Variants in SRL observed in about 807,000 individuals in gnomAD.
SRL encodes sarcalumenin.
SRL carries 23 observed loss-of-function variants against 39.5 expected under a neutral mutation model. The observed-to-expected ratio is 0.58, with a 90% CI of 0.42 to 0.82. SRL has a LOEUF of 0.82. Among genes scored for constraint, SRL ranks in the 40% least tolerant of loss-of-function variants. SRL has a pLI of 0.00. For missense variants in SRL, 592 were observed against 607.8 expected, an observed-to-expected ratio of 0.97 and a Z score of 0.27; for synonymous variants, 272 against 237.4, an observed-to-expected ratio of 1.15 and a Z score of -1.34.
At chr16:4,230,842 T>A (rs1183562291) in intron 1 of SRL, among the ~76,000 whole-genome samples, 1 of 152,058 alleles carries the variant, frequency 6.6e-6, no homozygotes, top group African/African-American at 2.4e-5. Context: ...GAAGGCCACA[T>A]GATGACAGAG....
At position 4,201,634 on chromosome 16, in the gene SRL, G is replaced by C. The variant is rs2052232448; in HGVS notation, c.259+1532C>G. ...CACGCTGGGCCCAATTTTTGTGTGT[G>C]TGTTTTGTTTGTTTGTTTGTTTGTT... On this transcript the variant is annotated intron_variant, in intron 3 of 5. Coordinates refer to ENST00000399609, the MANE Select transcript of SRL (RefSeq NM_001098814.2). Among the ~76,000 whole-genome samples the C allele has an allele frequency of 3.3e-5, 2 of 61,164 alleles. 1 individual carries two copies. The highest frequency in any genetic ancestry group is 1.6e-4 in the African/African-American group (2 of 12,140). 40.1% of individuals were successfully genotyped at this position (61,164 alleles called of 152,430 possible). A position where few individuals can be genotyped will look rare whatever the true frequency, so the allele number is the denominator to read the frequency against.
chr16:4,209,692 G>C (rs573492250), intron 1 of SRL, among the ~76,000 whole-genome samples: 2 of 152,348 alleles, frequency 1.3e-5, no homozygotes, highest in Non-Finnish European at 2.9e-5. Flanking sequence ...AAGATGTGAA[G>C]CTTGGTGCCT....
At chr16:4,226,323 AGGAT>A (rs1472397682) in intron 1 of SRL, among the ~76,000 whole-genome samples, 2 of 152,048 alleles carry the variant, frequency 1.3e-5, no homozygotes, top group African/African-American at 2.4e-5. Context: ...AATGAATGGA[AGGAT>A]GGATGGATGA....
At chr16:4,237,657 G>A (rs923244134) in intron 1 of SRL, among the ~76,000 whole-genome samples, 4 of 151,160 alleles carry the variant, frequency 2.6e-5, no homozygotes, top group East Asian at 2.0e-4. Context: ...CCATCTGCCC[G>A]CCTTCATGCA....
intron 4 of SRL, among the ~76,000 whole-genome samples, chr16:4,197,094 A>T (rs9929314): frequency 0.053 from 6,102 of 114,650 alleles, 579 homozygotes; most frequent in African/African-American, 0.2. Flanking sequence ...TGTGAGACAG[A>T]GTCTCACTCT....
At chr16:4,230,553 T>C (rs2052648833) in intron 1 of SRL, among the ~76,000 whole-genome samples, 1 of 151,648 alleles carries the variant, frequency 6.6e-6, no homozygotes, top group African/African-American at 2.4e-5. Context: ...GCTAATTTTT[T>C]TTTTTTTGTA....
At chr16:4,207,324 C>T (rs754533108) in intron 1 of SRL, 7 of 456,824 alleles carry the variant, frequency 1.5e-5, no homozygotes, top group Non-Finnish European at 2.2e-5. Context: ...TTGGGCGCCC[C>T]CAGGCTCTGC....
At chr16:4,231,816 G>C (rs2052662479) in intron 1 of SRL, among the ~76,000 whole-genome samples, 1 of 152,152 alleles carries the variant, frequency 6.6e-6, no homozygotes, top group Admixed American at 6.5e-5. Flanking sequence ...ACTCACAAGA[G>C]TGATAACCTG....
chr16:4,218,078 G>A (rs747948733), intron 1 of SRL, among the ~76,000 whole-genome samples: 25 of 152,136 alleles, frequency 1.6e-4, no homozygotes, highest in Admixed American at 5.2e-4. Context: ...CCAGGAGCTC[G>A]TTCTGCTGAT....
intron 1 of SRL, among the ~76,000 whole-genome samples, chr16:4,241,408 C>G (rs754683421): frequency 1.2e-4 from 19 of 152,208 alleles, no homozygotes; most frequent in Non-Finnish European, 2.6e-4. Context: ...AGCAGAGGCT[C>G]TACTCCAGAA....
chr16:4,231,260 G>A lies in SRL; in HGVS notation c.61+10747C>T, dbSNP rs181900668. Among the ~76,000 whole-genome samples, 284 of 152,294 alleles carry A rather than the reference G, an allele frequency of 1.9e-3. 2 individuals are homozygous for A. In the Middle Eastern group the frequency reaches 0.031, roughly 16 times the overall value. ...GAGCCCGGGAGGCAGAGATTGCAGT[G>A]AGCAGAGATTGCACCACTGCACTCC... On this transcript the variant is annotated intron_variant, in intron 1 of 5. Transcript: ENST00000399609.
chr16:4,204,406 T>TACAGCCCTGGCCTCTA (rs61398546), intron 2 of SRL, 127 bp downstream of exon 2: 2 of 588,316 alleles, frequency 3.4e-6, no homozygotes, highest in Non-Finnish European at 2.9e-6. Context: ...GCCTCCAAGA[T>TACAGCCCTGGCCTCTA]AGATACAGCC....
chr16:4,234,270 AG>A (rs1455061028), intron 1 of SRL, among the ~76,000 whole-genome samples: 4 of 152,266 alleles, frequency 2.6e-5, no homozygotes, highest in African/African-American at 9.6e-5. Context: ...CCGGGATTAC[AG>A]GTGTGAGCCA....
chr16:4,204,712 G>C lies in SRL; in HGVS notation c.62-78C>G, dbSNP rs1249897694. On this transcript the variant is annotated intron_variant, in intron 1 of 5. Coordinates refer to ENST00000399609, the MANE Select transcript of SRL (RefSeq NM_001098814.2). ...CTCTGGGCCCCGGCACAGCAGACGA[G>C]GGCTGGGCCTCAAGCAGGGGCTCAA... is the stretch of plus-strand genomic sequence containing the variant. 60 of 1,320,584 alleles carry C rather than the reference G, an allele frequency of 4.5e-5. 1 individual carries two copies. The highest frequency in any genetic ancestry group is 1.8e-5 in the Non-Finnish European group (17 of 919,136). 81.8% of individuals were successfully genotyped at this position (1,320,584 alleles called of 1,614,324 possible). A position where few individuals can be genotyped will look rare whatever the true frequency, so the allele number is the denominator to read the frequency against.
chr16:4,204,695 C>T (rs1432368563), intron 1 of SRL, 61 bp from the exon 2 acceptor site: 10 of 1,493,414 alleles, frequency 6.7e-6, no homozygotes, highest in Non-Finnish European at 5.6e-6. Context: ...AGCTCTGGGC[C>T]CCGGCACAGC....
At chr16:4,224,436 T>A (rs538496713) in intron 1 of SRL, among the ~76,000 whole-genome samples, 54 of 152,224 alleles carry the variant, frequency 3.5e-4, no homozygotes, top group African/African-American at 1.3e-3. Context: ...CCAGGCACGG[T>A]GGTTCATGCC....
chr16:4,216,741 G>C (rs1439937043), intron 1 of SRL, among the ~76,000 whole-genome samples: 1 of 152,168 alleles, frequency 6.6e-6, no homozygotes, highest in Non-Finnish European at 1.5e-5. Flanking sequence ...TGGGCCTGCT[G>C]CCTCCCTTCA....
intron 1 of SRL, among the ~76,000 whole-genome samples, chr16:4,219,920 G>T (rs1378579070): frequency 6.6e-6 from 1 of 152,050 alleles, no homozygotes; most frequent in Admixed American, 6.6e-5. Flanking sequence ...TGTGAGATCA[G>T]CTCTTAGCTA....
chr16:4,227,378 T>C (rs1396648212), intron 1 of SRL, among the ~76,000 whole-genome samples: 1 of 150,062 alleles, frequency 6.7e-6, no homozygotes, highest in Non-Finnish European at 1.5e-5. Context: ...GAAGGATGGG[T>C]GGATGGATAG....
Sources: gnomAD v4.1 joint callset for allele counts (sites outside exome capture counted in the v4.1 genomes callset) on GRCh38, gnomAD v4.1.1 for gene constraint, MANE v1.5 for transcripts, NCBI Gene and HGNC (gene_info 2026-07-23, HGNC 2026-07-21) for gene names.